Variants in AGL observed in about 807,000 individuals in gnomAD.
AGL encodes the protein glycogen debranching enzyme.
AGL carries 128 observed loss-of-function variants against 199.3 expected under a neutral mutation model. That is an observed-to-expected ratio of 0.64 (90% CI 0.56 to 0.74). AGL has a LOEUF of 0.74. AGL is among the 30% of genes least tolerant of loss of function. The pLI is 0.00. For synonymous variants in AGL, 584 were observed against 594.7 expected (o/e 0.98, Z 0.26); for missense variants, 1,809 against 1,820.8 (o/e 0.99, Z 0.12).
chr1:99,855,248 C>T (rs1223691310), intron 2 of AGL, among the ~76,000 whole-genome samples: 1 of 151,744 alleles, frequency 6.6e-6, no homozygotes, highest in South Asian at 2.1e-4. Context: ...GAGTTATTTT[C>T]AAGTTCAGAG....
intron 11 of AGL, 83 bp downstream of exon 11, chr1:99,876,680 T>C: frequency 6.8e-7 from 1 of 1,476,848 alleles, no homozygotes; most frequent in South Asian, 1.1e-5. Context: ...ACTGATTTTC[T>C]TCCCCATTAG....
intron 28 of AGL, 49 bp downstream of exon 28, chr1:99,910,896 G>C (rs769947103): frequency 6.3e-7 from 1 of 1,576,518 alleles, no homozygotes; most frequent in South Asian, 1.1e-5. Context: ...CTTTAAGAAA[G>C]CACTTACTTG....
intron 12 of AGL, 71 bp downstream of exon 12, chr1:99,877,899 C>T: frequency 1.4e-6 from 2 of 1,460,110 alleles, no homozygotes; most frequent in Non-Finnish European, 1.9e-6. Flanking sequence ...CTTAAGTAAA[C>T]TATGCAGGTA....
At chr1:99,905,204 G>A (rs867147223) in intron 27 of AGL, among the ~76,000 whole-genome samples, 12 of 152,046 alleles carry the variant, frequency 7.9e-5, no homozygotes, top group Non-Finnish European at 1.2e-4. Context: ...TGTGTGGTGG[G>A]GGGGTGGGTC....
At chr1:99,853,459 A>G (rs371584887) in intron 2 of AGL, among the ~76,000 whole-genome samples, 4 of 152,354 alleles carry the variant, frequency 2.6e-5, no homozygotes, top group African/African-American at 7.2e-5. Context: ...TCCTTTGTGA[A>G]GTCTTTCCCT....
At chr1:99,905,838 C>T (rs1654243740) in intron 27 of AGL, among the ~76,000 whole-genome samples, 1 of 152,172 alleles carries the variant, frequency 6.6e-6, no homozygotes, top group African/African-American at 2.4e-5. Flanking sequence ...GCCTCAGCTT[C>T]CTAAAGTGCT....
intron 27 of AGL, 29 bp from the exon 28 acceptor site, chr1:99,910,683 T>G: frequency 7.3e-7 from 1 of 1,372,868 alleles, no homozygotes. Flanking sequence ...ACTTATAAAA[T>G]TTTATTTTAT....
intron 25 of AGL, 71 bp from the exon 26 acceptor site, chr1:99,900,565 G>A: frequency 1.4e-6 from 2 of 1,397,040 alleles, no homozygotes; most frequent in Non-Finnish European, 2.0e-6. Context: ...GTCACCAAAA[G>A]TGACTGGTTT....
intron 5 of AGL, among the ~76,000 whole-genome samples, chr1:99,865,417 A>G (rs966881472): frequency 2.5e-4 from 38 of 152,258 alleles, no homozygotes; most frequent in African/African-American, 8.7e-4. Flanking sequence ...TATGTCTTCT[A>G]CATGTTAAAA....
intron 6 of AGL, 47 bp downstream of exon 6, chr1:99,870,628 A>G: frequency 6.3e-7 from 1 of 1,594,246 alleles, no homozygotes; most frequent in Non-Finnish European, 8.6e-7. Context: ...AAAAATTTCT[A>G]AAGCACACAT....
intron 17 of AGL, 120 bp downstream of exon 17, chr1:99,881,811 G>A (rs1652057486): frequency 2.0e-6 from 2 of 988,612 alleles, no homozygotes; most frequent in South Asian, 2.1e-5. Context: ...TGCTACTGTG[G>A]ACGTACTTGA....
chr1:99,919,024 A>G (rs886789237), intron 33 of AGL, among the ~76,000 whole-genome samples: 1 of 152,158 alleles, frequency 6.6e-6, no homozygotes, highest in Non-Finnish European at 1.5e-5. Flanking sequence ...TTGGTACACT[A>G]CAGATACTTG....
intron 26 of AGL, among the ~76,000 whole-genome samples, chr1:99,901,667 G>T (rs1364383291): frequency 6.6e-6 from 1 of 151,310 alleles, no homozygotes; most frequent in Non-Finnish European, 1.5e-5. Context: ...AGACATTTTT[G>T]AGTGTTTTTT....
intron 25 of AGL, among the ~76,000 whole-genome samples, chr1:99,896,690 G>A (rs1273060329): frequency 6.6e-6 from 1 of 152,094 alleles, no homozygotes; most frequent in Non-Finnish European, 1.5e-5. Context: ...CATAGTGAAG[G>A]CATTGCTAGT....
intron 14 of AGL, 43 bp from the exon 15 acceptor site, chr1:99,881,033 T>G (rs1557763665): frequency 1.3e-6 from 2 of 1,528,626 alleles, no homozygotes; most frequent in East Asian, 2.2e-5. Context: ...CACTTTGCAT[T>G]TGAAAGAAAG....
rs758272465 is a variant in AGL at position 99,881,646 on chromosome 1, A to C, written c.2263A>C (p.Lys755Gln). The C allele has an allele frequency of 1.9e-6, 3 of 1,613,910 alleles. No homozygotes were observed. The highest frequency in any genetic ancestry group is 2.5e-6 in the Non-Finnish European group (3 of 1,179,958). The change falls in exon 17 of 34, where the codon AAG becomes CAG. Residue 755 changes from lysine to glutamine, a missense_variant. By Grantham distance (53) the Lys-to-Gln change is moderately conservative (BLOSUM62 1). Coordinates refer to ENST00000361915, the MANE Select transcript of AGL (RefSeq NM_000642.3). ...ATCTAGAACTGCTTTCAGGAATCCCAAGACTTCATTTTACAGCAAGGAAGT... is the reference window on the plus strand; with the variant it reads ...ATCTAGAACTGCTTTCAGGAATCCCCAGACTTCATTTTACAGCAAGGAAGT... ...AVSRTAFRNP[K>Q]TSFYSKEVPQ...
At position 99,864,444 on chromosome 1, in the gene AGL, C is replaced by T. The variant is rs753835367; in HGVS notation, c.519C>T (p.Tyr173=). The T allele has an allele frequency of 3.1e-6, 5 of 1,613,888 alleles. No individual in the cohort carries two copies. Among genetic ancestry groups the T allele is most frequent in the Admixed American group, 1.7e-5 (1 of 60,024 alleles). The change falls in exon 5 of 34, where the codon TAC becomes TAT. Residue 173 remains tyrosine (Y), a synonymous_variant. Coordinates refer to ENST00000361915, the MANE Select transcript of AGL (RefSeq NM_000642.3). ...LQTLGLSRSC[Y]SLANQLELNP... ...CTCTTGGACTATCTAGGTCATGCTA[C>T]TCCCTTGCCAATCAGTTAGAATTAA...
intron 2 of AGL, among the ~76,000 whole-genome samples, chr1:99,857,847 A>AGGGAGACCGTGGGGAGGGGGGGGGGGG (rs1649685231): frequency 1.2e-4 from 1 of 8,224 alleles, no homozygotes; most frequent in African/African-American, 4.8e-4. Flanking sequence ...GGGGAGGGGG[A>AGGGAGACCGTGGGGAGGGGGGGGGGGG]GGGGGGAAGA....
chr1:99,852,816 A>G (rs1028348283), intron 2 of AGL: 8 of 747,884 alleles, frequency 1.1e-5, no homozygotes, highest in Admixed American at 1.8e-5. Flanking sequence ...AGGCATTGAT[A>G]TGAATCACTC....
Sources: gnomAD v4.1 joint callset for allele counts (sites outside exome capture counted in the v4.1 genomes callset) on GRCh38, gnomAD v4.1.1 for gene constraint, MANE v1.5 for transcripts, NCBI Gene and HGNC (gene_info 2026-07-23, HGNC 2026-07-21) for gene names.